The following RTN1 variants were observed in gnomAD, a reference collection of about 807,000 sequenced individuals.
RTN1 encodes reticulon 1, also known as reticulon-1.
In RTN1, 25 loss-of-function variants were observed where a neutral mutation model predicts 65.5. The observed-to-expected ratio is 0.38, with a 90% CI of 0.28 to 0.53. The LOEUF (loss-of-function observed/expected upper bound fraction) is 0.53. Ranked by LOEUF, RTN1 falls within the 20% of genes least tolerant of loss-of-function variation. The pLI is 0.79. For missense variants in RTN1, 983 were observed against 1,025.4 expected, an observed-to-expected ratio of 0.96 and a Z score of 0.57; for synonymous variants, 471 against 447.6, an observed-to-expected ratio of 1.05 and a Z score of -0.66.
At chr14:59,716,541 C>T (rs768365296) in intron 3 of RTN1, among the ~76,000 whole-genome samples, 1 of 152,096 alleles carries the variant, frequency 6.6e-6, no homozygotes, top group Non-Finnish European at 1.5e-5. Context: ...AAGGAAAATT[C>T]GGAGGGTAAT....
At chr14:59,634,062 A>G (rs963430970) in intron 3 of RTN1, among the ~76,000 whole-genome samples, 1 of 152,232 alleles carries the variant, frequency 6.6e-6, no homozygotes, top group Admixed American at 6.5e-5. Context: ...AGGTAAATAT[A>G]TAATATTCAT....
rs557577854 is a variant in RTN1 at position 59,611,513 on chromosome 14, C to T, written c.1766-4021G>A. ...TCCAGATTGGTGAGTATCCTAGGTG[C>T]TGCCAATGCCTCCTTTCTTCTCCTG... On this transcript the variant is annotated intron_variant, in intron 3 of 8. Transcript: ENST00000267484. 2.9e-4 allele frequency among the ~76,000 whole-genome samples: 44 copies of T among 152,074 alleles called. No homozygotes were observed. The South Asian group carries it at 9.2e-3, about 32-fold the overall frequency.
In RTN1 at chr14:59,746,186, G is replaced by T. The variant is rs1194401509; in HGVS notation, c.537C>A (p.Asn179Lys). ...EMTPAESTEV[N>K]KILADPLDQM... ...GGTCCAGAGGGTCTGCTAAGATCTT[G>T]TTCACTTCCGTGGACTCTGCAGGAG... The change falls in exon 2 of 9, where the codon AAC (asparagine) becomes AAA (lysine). Residue 179 changes from asparagine (N) to lysine (K), a missense_variant. Physicochemically the swap from Asn to Lys is moderately conservative, Grantham distance 94. Around this residue, in one of 2 missense-constraint regions of RTN1, gnomAD observed 818 missense variants for 801.8 expected, o/e 1.02. Coordinates refer to ENST00000267484, the MANE Select transcript of RTN1 (RefSeq NM_021136.3). 1 of 1,608,836 alleles carries T rather than the reference G, an allele frequency of 6.2e-7. No homozygotes were observed. The highest frequency in any genetic ancestry group is 1.7e-5 in the Admixed American group (1 of 58,984).
At chr14:59,659,005 G>C (rs891565895) in intron 3 of RTN1, among the ~76,000 whole-genome samples, 1 of 152,142 alleles carries the variant, frequency 6.6e-6, no homozygotes, top group African/African-American at 2.4e-5. Flanking sequence ...TAGACGAATT[G>C]TTAACTAGAA....
At chr14:59,645,805 T>G (rs1882882741) in intron 3 of RTN1, among the ~76,000 whole-genome samples, 1 of 152,232 alleles carries the variant, frequency 6.6e-6, no homozygotes, top group Non-Finnish European at 1.5e-5. Flanking sequence ...ACTCTGCCCC[T>G]GCCTGACCGC....
At chr14:59,597,285 T>G (rs1355140221) in intron 8 of RTN1, among the ~76,000 whole-genome samples, 1 of 152,236 alleles carries the variant, frequency 6.6e-6, no homozygotes, top group African/African-American at 2.4e-5. Context: ...TTTAAAAAGC[T>G]GGGTCCTAGT....
intron 1 of RTN1, among the ~76,000 whole-genome samples, chr14:59,809,565 T>C (rs1886691728): frequency 6.6e-6 from 1 of 152,054 alleles, no homozygotes. Flanking sequence ...AATGGCTCAG[T>C]GAAATATAAA....
At chr14:59,696,676 C>G (rs949625592) in intron 3 of RTN1, among the ~76,000 whole-genome samples, 3 of 152,010 alleles carry the variant, frequency 2.0e-5, no homozygotes, top group African/African-American at 7.2e-5. Flanking sequence ...ACTCCCAGGT[C>G]CCAAATACTG....
At position 59,607,343 on chromosome 14, in the gene RTN1, G is replaced by A. The variant is rs1250206984; in HGVS notation, c.1915C>T (p.Arg639Cys). The A allele has an allele frequency of 5.0e-6, 8 of 1,614,078 alleles. No individual in the cohort carries two copies. Among genetic ancestry groups the A allele is most frequent in the Admixed American group, 1.7e-5 (1 of 60,020 alleles). ...LAALSATISF[R>C]IYKSVLQAVQ... ...GCTTGTAAAACAGACTTGTAGATGCGGAAACTGATGGTGGCTGAGAGTGCG... is the reference window on the plus strand; with the variant it reads ...GCTTGTAAAACAGACTTGTAGATGCAGAAACTGATGGTGGCTGAGAGTGCG... The change falls in exon 4 of 9, where the codon CGC (arginine) becomes TGC (cysteine). Residue 639 changes from arginine (R) to cysteine (C), a missense_variant. Coordinates refer to ENST00000267484, the MANE Select transcript of RTN1 (RefSeq NM_021136.3).
intron 3 of RTN1, among the ~76,000 whole-genome samples, chr14:59,713,874 A>G (rs1050552978): frequency 5.9e-5 from 9 of 152,218 alleles, no homozygotes; most frequent in African/African-American, 1.7e-4. Flanking sequence ...GGACAGTACC[A>G]GCAAAGGACA....
At chr14:59,680,091 G>C (rs1173879781) in intron 3 of RTN1, among the ~76,000 whole-genome samples, 1 of 152,048 alleles carries the variant, frequency 6.6e-6, no homozygotes, top group East Asian at 1.9e-4. Flanking sequence ...TATTTCCATG[G>C]TACCTGTTGC....
chr14:59,869,579 TGG>T (rs753626233), intron 1 of RTN1, among the ~76,000 whole-genome samples: 6,271 of 56,388 alleles, frequency 0.11, 572 homozygotes, highest in African/African-American at 0.27. Flanking sequence ...ATTTCCGGGG[TGG>T]GGGGGGGGGG....
Position 59,756,912 on chromosome 14 carries a change from C to A in RTN1, c.242-10431G>T, listed in dbSNP as rs528584428. On this transcript the variant is annotated intron_variant, in intron 1 of 8. Transcript: ENST00000267484. ...CCATCATGACTCCTGCAGCCTTGAC[C>A]TCCTGGGTTCAAGCGATTCTCCTGC... is the stretch of plus-strand genomic sequence containing the variant. Among the ~76,000 whole-genome samples the A allele has an allele frequency of 1.2e-3, 189 of 151,580 alleles. 1 individual carries two copies. The highest frequency in any genetic ancestry group is 1.2e-4 in the Non-Finnish European group (8 of 67,868).
chr14:59,783,009 G>A (rs1423657476), intron 1 of RTN1, among the ~76,000 whole-genome samples: 2 of 152,168 alleles, frequency 1.3e-5, no homozygotes, highest in Admixed American at 6.5e-5. Flanking sequence ...ACATTTTGCA[G>A]ATATCATCCC....
chr14:59,815,348 G>C (rs1437080464), intron 1 of RTN1, among the ~76,000 whole-genome samples: 4 of 152,136 alleles, frequency 2.6e-5, no homozygotes, highest in Non-Finnish European at 5.9e-5. Context: ...GTGTCCCTGT[G>C]CACAGGAGCC....
intron 2 of RTN1, among the ~76,000 whole-genome samples, chr14:59,735,727 G>C (rs952550492): frequency 6.6e-6 from 1 of 152,172 alleles, no homozygotes; most frequent in Non-Finnish European, 1.5e-5. Flanking sequence ...TGGGCACCCA[G>C]ATTCATAAAG....
chr14:59,766,758 G>C lies in RTN1; in HGVS notation c.242-20277C>G, dbSNP rs1195884505. ...CTGCTATGTGCCAGTCACCATGCTC[G>C]GTGCTTAAAGTCTCAGTCATGCCAA... is the stretch of plus-strand genomic sequence containing the variant. On this transcript the variant is annotated intron_variant, in intron 1 of 8. Transcript: ENST00000267484. The surrounding 1 kb of genome is among the most constrained non-coding windows in gnomAD (Gnocchi z 4.4). 6.6e-6 allele frequency among the ~76,000 whole-genome samples: 1 copy of C among 151,898 alleles called. No homozygotes were observed. Among genetic ancestry groups the C allele is most frequent in the Non-Finnish European group, 1.5e-5 (1 of 67,984 alleles).
intron 3 of RTN1, among the ~76,000 whole-genome samples, chr14:59,687,800 T>A (rs1417331585): frequency 1.3e-5 from 2 of 151,550 alleles, no homozygotes; most frequent in Non-Finnish European, 2.9e-5. Flanking sequence ...CCCAGGCAAA[T>A]CTCCAAGCAT....
intron 1 of RTN1, among the ~76,000 whole-genome samples, chr14:59,806,617 A>T (rs886697456): frequency 6.6e-6 from 1 of 151,942 alleles, no homozygotes; most frequent in Non-Finnish European, 1.5e-5. Context: ...CTCTCCTCCC[A>T]CCCTCCACCT....
Sources: allele counts gnomAD v4.1 joint callset (sites outside exome capture counted in the v4.1 genomes callset), GRCh38; gene constraint gnomAD v4.1.1; regional missense constraint gnomAD v4.1.1; non-coding constraint Gnocchi (gnomAD v3.1); transcripts MANE v1.5; gene names NCBI Gene and HGNC (gene_info 2026-07-23, HGNC 2026-07-21).